Variants in SDK1 observed in about 807,000 individuals in gnomAD.
SDK1 encodes sidekick cell adhesion molecule 1, also known as protein sidekick-1.
Under a neutral mutation model 245.5 loss-of-function variants are expected in SDK1, and 157 were observed. The observed-to-expected ratio is 0.64, with a 90% CI of 0.56 to 0.73. The LOEUF is 0.73. Among genes scored for constraint, SDK1 ranks in the 30% least tolerant of loss-of-function variants. The pLI is 0.00. For synonymous variants in SDK1, 1,647 were observed against 1,278.5 expected (o/e 1.29, Z -6.15); for missense variants, 3,583 against 3,002.3 (o/e 1.19, Z -4.52).
chr7:3,412,831 T>A (rs1779251597), intron 1 of SDK1, among the ~76,000 whole-genome samples: 2 of 152,202 alleles, frequency 1.3e-5, no homozygotes, highest in Admixed American at 1.3e-4. Flanking sequence ...GAATGTGACC[T>A]TCCTAATGCA....
intron 5 of SDK1, among the ~76,000 whole-genome samples, chr7:3,856,618 C>G (rs919801202): frequency 6.6e-6 from 1 of 151,758 alleles, no homozygotes; most frequent in Non-Finnish European, 1.5e-5. Flanking sequence ...TGGTGAAACC[C>G]CATGTCTCCT....
chr7:4,008,778 G>A (rs1785703240), intron 14 of SDK1, among the ~76,000 whole-genome samples: 1 of 152,106 alleles, frequency 6.6e-6, no homozygotes, highest in Non-Finnish European at 1.5e-5. Context: ...AGATTGATTG[G>A]GTTCTTTGAA....
At chr7:3,368,102 T>G (rs1583753699) in intron 1 of SDK1, among the ~76,000 whole-genome samples, 1 of 152,220 alleles carries the variant, frequency 6.6e-6, no homozygotes, top group East Asian at 1.9e-4. Context: ...TTTTTGTAAG[T>G]ATATTATTGA....
intron 1 of SDK1, among the ~76,000 whole-genome samples, chr7:3,562,957 A>C (rs970984636): frequency 6.6e-6 from 1 of 151,554 alleles, no homozygotes; most frequent in African/African-American, 2.4e-5. Context: ...GGCAAAGTTC[A>C]TTGATGTCTT....
At position 4,028,189 on chromosome 7, in the gene SDK1, T is replaced by C. The variant is rs73673253; in HGVS notation, c.2602+10837T>C. Among the ~76,000 whole-genome samples the C allele has an allele frequency of 5.5e-3, 842 of 152,274 alleles. 10 individuals are homozygous for C. The highest frequency in any genetic ancestry group is 0.019 in the African/African-American group (782 of 41,560). Reference sequence around the variant, plus strand: ...CCAGACCCACTGAATCAGAAACTCTTACCATATGTGTTTCGACATGCCCTC... The same window carrying C: ...CCAGACCCACTGAATCAGAAACTCTCACCATATGTGTTTCGACATGCCCTC... On this transcript the variant is annotated intron_variant, in intron 17 of 44. Transcript: ENST00000404826.
intron 1 of SDK1, among the ~76,000 whole-genome samples, chr7:3,425,713 G>C (rs1184736232): frequency 1.3e-5 from 2 of 152,158 alleles, no homozygotes; most frequent in African/African-American, 4.8e-5. Flanking sequence ...TCATTAATTA[G>C]GGAAGATAAG....
intron 1 of SDK1, among the ~76,000 whole-genome samples, chr7:3,592,845 A>C (rs1367973504): frequency 1.3e-5 from 2 of 152,186 alleles, no homozygotes; most frequent in African/African-American, 4.8e-5. Flanking sequence ...GTGTTTTGAA[A>C]CACTGATGGG....
rs186561622 is a variant in SDK1, at chr7:3,691,220, A to G, written c.713+49115A>G. Among the ~76,000 whole-genome samples the G allele has an allele frequency of 1.3e-3, 202 of 152,336 alleles. 1 individual carries two copies. Among genetic ancestry groups the G allele is most frequent in the Non-Finnish European group, 1.7e-3 (113 of 68,036 alleles). On this transcript the variant is annotated intron_variant, in intron 4 of 44. Transcript: ENST00000404826. ...GAGAATTCTGGACTTTAGATTTGCA[A>G]GAAATAAAAAGGCTCCAATTTTCTT...
chr7:3,316,348 C>T (rs753715815), intron 1 of SDK1, among the ~76,000 whole-genome samples: 6 of 152,072 alleles, frequency 3.9e-5, no homozygotes, highest in Admixed American at 2.0e-4. Context: ...GTGTTCAGTA[C>T]AGTAACATGC....
At chr7:3,831,148 C>T (rs181434620) in intron 5 of SDK1, among the ~76,000 whole-genome samples, 2 of 152,310 alleles carry the variant, frequency 1.3e-5, no homozygotes, top group East Asian at 3.9e-4. Flanking sequence ...ATCCATTACA[C>T]AGCTTGTCTG....
rs369028302 is a variant in SDK1 at position 4,206,029 on chromosome 7, C to T, written c.5214+35C>T. 277 of 1,370,816 alleles carry T rather than the reference C, an allele frequency of 2.0e-4. No individual in the cohort carries two copies. The African/African-American group carries it at 3.6e-3, about 18-fold the overall frequency. 84.9% of individuals were successfully genotyped at this position (1,370,816 alleles called of 1,614,324 possible). ...TCCCGTGCGGTTGCCTCCCCTGGCT[C>T]GCTTGGGCACCCCTCGTTCACGTGG... On this transcript the variant is annotated intron_variant, in intron 36 of 44. Transcript: ENST00000404826.
At chr7:3,672,768 TATATATATATATATATATATATATATAA>T (rs1562646659) in intron 4 of SDK1, among the ~76,000 whole-genome samples, 7 of 45,536 alleles carry the variant, frequency 1.5e-4, no homozygotes, top group South Asian at 1.8e-3. Flanking sequence ...TTTATATATA[TATATATATATATATATATATATATATAA>T]AAAATACAGA....
intron 1 of SDK1, among the ~76,000 whole-genome samples, chr7:3,484,439 G>A (rs1781615587): frequency 6.6e-6 from 1 of 152,112 alleles, no homozygotes; most frequent in South Asian, 2.1e-4. Flanking sequence ...TGAGGGTCCT[G>A]GAACTAGTTC....
intron 1 of SDK1, among the ~76,000 whole-genome samples, chr7:3,528,751 A>T (rs1783238800): frequency 6.6e-6 from 1 of 152,050 alleles, no homozygotes. Flanking sequence ...AGAATGAGGG[A>T]AAGAGGTGAA....
chr7:3,683,229 G>T (rs1304927090), intron 4 of SDK1, among the ~76,000 whole-genome samples: 1 of 152,112 alleles, frequency 6.6e-6, no homozygotes, highest in Non-Finnish European at 1.5e-5. Flanking sequence ...TGTATCTGTG[G>T]TGTTTTCTGA....
At chr7:3,849,413 G>A (rs1780364912) in intron 5 of SDK1, among the ~76,000 whole-genome samples, 1 of 152,164 alleles carries the variant, frequency 6.6e-6, no homozygotes, top group Admixed American at 6.5e-5. Flanking sequence ...GTTTAGAATG[G>A]AATTTGTATA....
intron 5 of SDK1, among the ~76,000 whole-genome samples, chr7:3,865,892 T>C (rs1054927639): frequency 6.6e-6 from 1 of 152,090 alleles, no homozygotes; most frequent in African/African-American, 2.4e-5. Flanking sequence ...TATTTTGGGC[T>C]CCACAGGGAA....
chr7:3,948,470 G>A (rs933683391), intron 5 of SDK1, among the ~76,000 whole-genome samples: 3 of 152,080 alleles, frequency 2.0e-5, no homozygotes, highest in African/African-American at 7.2e-5. Context: ...CACCGTGTTA[G>A]CCAGGATGGT....
chr7:4,122,485 G>A (rs1784130514), intron 25 of SDK1, among the ~76,000 whole-genome samples: 1 of 152,212 alleles, frequency 6.6e-6, no homozygotes, highest in Non-Finnish European at 1.5e-5. Flanking sequence ...GAATGGCCCA[G>A]TGTGCAGGAG....
Sources: gnomAD v4.1 joint callset for allele counts (sites outside exome capture counted in the v4.1 genomes callset) on GRCh38, gnomAD v4.1.1 for gene constraint, MANE v1.5 for transcripts, NCBI Gene and HGNC (gene_info 2026-07-23, HGNC 2026-07-21) for gene names.